Variants in STRBP observed in about 807,000 individuals in gnomAD.
STRBP encodes the protein spermatid perinuclear RNA binding protein.
Under a neutral mutation model 80.1 loss-of-function variants are expected in STRBP, and 13 were observed. The ratio of observed to expected loss-of-function variants is 0.16; its 90% CI spans 0.11 to 0.26. The LOEUF is 0.26. STRBP is among the 10% of genes least tolerant of loss of function. STRBP has a pLI of 1.00. For synonymous variants in STRBP, 284 were observed against 291.2 expected, an observed-to-expected ratio of 0.98 and a Z score of 0.25; for missense variants, 485 against 815.2, an observed-to-expected ratio of 0.59 and a Z score of 4.93.
chr9:123,130,325 C>G (rs1564216303), intron 17 of STRBP, among the ~76,000 whole-genome samples: 2 of 152,196 alleles, frequency 1.3e-5, no homozygotes, highest in Non-Finnish European at 2.9e-5. Context: ...GGGACCTAAT[C>G]TGAATCTTGT....
intron 4 of STRBP, 128 bp downstream of exon 4, chr9:123,178,879 C>T: frequency 1.4e-6 from 1 of 711,500 alleles, no homozygotes; most frequent in Non-Finnish European, 2.3e-6. Context: ...CATTTACTTC[C>T]TTGGTTATAG....
Position 123,159,213 on chromosome 9 carries a change from A to G in STRBP, c.724-6T>C. On this transcript the variant is annotated splice_polypyrimidine_tract_variant and splice_region_variant and intron_variant, in intron 8 of 18. Transcript: ENST00000348403. ...TCACATATAAGTTCTAGTGGCTAGA[A>G]GATATTAAATTACAAATTAGTACAT... 6.3e-7 allele frequency: 1 copy of G among 1,598,564 alleles called. No homozygotes were observed. The highest frequency in any genetic ancestry group is 8.6e-7 in the Non-Finnish European group (1 of 1,166,684).
intron 2 of STRBP, among the ~76,000 whole-genome samples, chr9:123,198,569 T>TA (rs1262837532): frequency 1.3e-5 from 2 of 152,224 alleles, no homozygotes; most frequent in Non-Finnish European, 2.9e-5. Context: ...GTTTACTCTA[T>TA]TATTTCTTTT....
At chr9:123,134,966 C>T (rs955015736) in intron 16 of STRBP, among the ~76,000 whole-genome samples, 2 of 152,074 alleles carry the variant, frequency 1.3e-5, no homozygotes, top group Admixed American at 6.6e-5. Context: ...GTTTTCTCTA[C>T]CTTTTGGATC....
intron 2 of STRBP, among the ~76,000 whole-genome samples, chr9:123,229,106 C>T (rs2040326861): frequency 6.6e-6 from 1 of 152,140 alleles, no homozygotes. Flanking sequence ...TGTATGATTC[C>T]ATTTACGTGA....
intron 2 of STRBP, among the ~76,000 whole-genome samples, chr9:123,194,354 C>T (rs561705323): frequency 1.3e-5 from 2 of 152,238 alleles, no homozygotes; most frequent in African/African-American, 4.8e-5. Context: ...TGGATCCCAC[C>T]TCCTTTTGCC....
At chr9:123,227,863 C>A (rs746783278) in intron 2 of STRBP, among the ~76,000 whole-genome samples, 15 of 152,090 alleles carry the variant, frequency 9.9e-5, no homozygotes, top group African/African-American at 1.4e-4. Context: ...CCGGCCTGAT[C>A]TGACATATTT....
At chr9:123,157,900 T>A (rs1429510954) in intron 11 of STRBP, 112 bp downstream of exon 11, 1 of 815,102 alleles carries the variant, frequency 1.2e-6, no homozygotes, top group Non-Finnish European at 2.0e-6. Flanking sequence ...GCTTTTTATA[T>A]ATGATTTGGA....
rs748751536 is a variant in STRBP at position 123,125,574 on chromosome 9, T to C, written c.*23A>G. Reference sequence around the variant, plus strand: ...TGTGTTGTACTGTATTGTTGTTCAATAGGAATTAGCTTCTGTCATTTGCTA... The same window carrying C: ...TGTGTTGTACTGTATTGTTGTTCAACAGGAATTAGCTTCTGTCATTTGCTA... On this transcript the variant is annotated 3_prime_UTR_variant, in exon 19 of 19. Transcript: ENST00000348403. 9 of 1,609,746 alleles carry C rather than the reference T, an allele frequency of 5.6e-6. No homozygotes were observed. The highest frequency in any genetic ancestry group is 2.7e-5 in the African/African-American group (2 of 74,808).
At position 123,136,122 on chromosome 9, in the gene STRBP, C is replaced by T. The variant is rs1375281349; in HGVS notation, c.1692G>A (p.Ala564=). Reference sequence around the variant, plus strand: ...TCTCCAAGGCAGCTAAAGCTGCACTCGCCTTTGCCACTTTCTTATTTGGAC... The same window carrying T: ...TCTCCAAGGCAGCTAAAGCTGCACTTGCCTTTGCCACTTTCTTATTTGGAC... The part of the protein sequence containing the change: ...GAGPNKKVAK[A]SAALAALEKL... The change falls in exon 16 of 19, where the codon GCG becomes GCA. Residue 564 remains alanine, a synonymous_variant. Coordinates refer to ENST00000348403, the MANE Select transcript of STRBP (RefSeq NM_018387.5). This position sits in a 1 kb window ranked among gnomAD's most constrained non-coding sequence, Gnocchi z 4.2. The T allele has an allele frequency of 1.9e-6, 3 of 1,614,104 alleles. No individual in the cohort carries two copies. The highest frequency in any genetic ancestry group is 2.7e-5 in the African/African-American group (2 of 74,952).
chr9:123,172,672 A>C (rs2038059712), intron 5 of STRBP, among the ~76,000 whole-genome samples: 1 of 152,222 alleles, frequency 6.6e-6, no homozygotes, highest in Non-Finnish European at 1.5e-5. Flanking sequence ...TCAGTAAAAT[A>C]AATCTGAGTG....
intron 2 of STRBP, among the ~76,000 whole-genome samples, chr9:123,199,462 G>A (rs1300172560): frequency 6.6e-6 from 1 of 152,172 alleles, no homozygotes. Flanking sequence ...TCTGTAGATT[G>A]CTTTGGGCAG....
intron 1 of STRBP, among the ~76,000 whole-genome samples, chr9:123,241,636 C>A (rs534971459): frequency 7.3e-4 from 111 of 152,026 alleles, no homozygotes; most frequent in African/African-American, 2.5e-3. Context: ...AAAAAAAAAT[C>A]TAGGCATTAT....
chr9:123,157,122 C>T (rs1018889759), intron 11 of STRBP, among the ~76,000 whole-genome samples: 1 of 152,138 alleles, frequency 6.6e-6, no homozygotes. Flanking sequence ...ATGATTGGAA[C>T]CCAGGTCATA....
intron 1 of STRBP, among the ~76,000 whole-genome samples, chr9:123,249,646 A>G (rs761772791): frequency 3.7e-4 from 57 of 152,298 alleles, no homozygotes; most frequent in African/African-American, 1.1e-3. Flanking sequence ...GTCTCAAAAT[A>G]AAAATTATTT....
Position 123,139,523 on chromosome 9 carries a change from G to C in STRBP, c.1497+6C>G, listed in dbSNP as rs374878140. The C allele has an allele frequency of 2.8e-5, 44 of 1,569,194 alleles. No individual in the cohort carries two copies. In the African/African-American group the frequency reaches 5.9e-4, roughly 21 times the overall value. ...TATTTTTTTTCTGAGAAAAAAATAAGTATACCTCTAAGGTACTGGAGGTTT... is the reference window on the plus strand; with the variant it reads ...TATTTTTTTTCTGAGAAAAAAATAACTATACCTCTAAGGTACTGGAGGTTT... On this transcript the variant is annotated splice_donor_region_variant and intron_variant, in intron 14 of 18. Coordinates refer to ENST00000348403, the MANE Select transcript of STRBP (RefSeq NM_018387.5).
At position 123,184,152 on chromosome 9, in the gene STRBP, T is replaced by A. The variant is rs1184741888; in HGVS notation, c.-18A>T. 2 of 1,609,498 alleles carry A rather than the reference T, an allele frequency of 1.2e-6. No individual in the cohort carries two copies. The highest frequency in any genetic ancestry group is 8.5e-7 in the Non-Finnish European group (1 of 1,177,450). ...CCTACCATGGTTTTCTATAGTATTT[T>A]AGCTTCTTTTTCCGATCCTTTCCCC... On this transcript the variant is annotated 5_prime_UTR_variant, in exon 3 of 19. Transcript: ENST00000348403.
chr9:123,226,860 T>C (rs889918513), intron 2 of STRBP, among the ~76,000 whole-genome samples: 1 of 152,148 alleles, frequency 6.6e-6, no homozygotes, highest in Non-Finnish European at 1.5e-5. Context: ...TAATTTATAA[T>C]GAATAAAAAT....
chr9:123,219,178 C>T (rs1462591597), intron 2 of STRBP, among the ~76,000 whole-genome samples: 2 of 152,144 alleles, frequency 1.3e-5, no homozygotes, highest in African/African-American at 2.4e-5. Flanking sequence ...AATGACACAC[C>T]ACCTCACATA....
Sources: allele counts gnomAD v4.1 joint callset (sites outside exome capture counted in the v4.1 genomes callset), GRCh38; gene constraint gnomAD v4.1.1; non-coding constraint Gnocchi (gnomAD v3.1); transcripts MANE v1.5; gene names NCBI Gene and HGNC (gene_info 2026-07-23, HGNC 2026-07-21).